PRDM5: variants seen among roughly 807,000 people sequenced by gnomAD.
The protein encoded by PRDM5 is PR domain zinc finger protein 5.
Under a neutral mutation model 81.2 loss-of-function variants are expected in PRDM5, and 56 were observed. The observed-to-expected ratio is 0.69, with a 90% CI of 0.56 to 0.86. PRDM5 has a LOEUF of 0.86. PRDM5 is among the 40% of genes least tolerant of loss of function. The pLI, the probability that PRDM5 is intolerant of heterozygous loss-of-function variation, is 0.00. For missense variants in PRDM5, 697 were observed against 770.1 expected (o/e 0.91, Z 1.12); for synonymous variants, 267 against 256.4 (o/e 1.04, Z -0.39).
At chr4:120,748,825 C>T (rs1318526037) in intron 14 of PRDM5, among the ~76,000 whole-genome samples, 1 of 152,044 alleles carries the variant, frequency 6.6e-6, no homozygotes, top group Non-Finnish European at 1.5e-5. Context: ...CTGAGGCCGC[C>T]AGGGTCTGAC....
intron 7 of PRDM5, among the ~76,000 whole-genome samples, chr4:120,815,395 C>A (rs1169006052): frequency 6.6e-6 from 1 of 152,210 alleles, no homozygotes; most frequent in African/African-American, 2.4e-5. Context: ...GTGCATTTCA[C>A]AAGGCCCTAC....
chr4:120,831,165 G>C (rs1338545862), intron 3 of PRDM5, among the ~76,000 whole-genome samples: 5 of 152,072 alleles, frequency 3.3e-5, no homozygotes, highest in African/African-American at 1.2e-4. Flanking sequence ...TGGAGGAGAG[G>C]GCAGCCGTTT....
At chr4:120,685,173 T>G (rs1275082463) in intron 1 of PRDM5, 3 of 152,056 alleles carry the variant, frequency 2.0e-5, no homozygotes, top group Non-Finnish European at 4.4e-5. Context: ...AAAATGTGAT[T>G]AATATAGTAA....
At chr4:120,872,878 T>C (rs774495985) in intron 2 of PRDM5, among the ~76,000 whole-genome samples, 3 of 152,208 alleles carry the variant, frequency 2.0e-5, no homozygotes, top group Non-Finnish European at 4.4e-5. Context: ...ATCTGCAAGA[T>C]AGAAAAGTTC....
chr4:120,785,574 T>G (rs1749661159), intron 10 of PRDM5, among the ~76,000 whole-genome samples: 1 of 152,170 alleles, frequency 6.6e-6, no homozygotes, highest in South Asian at 2.1e-4. Flanking sequence ...AGGTGCTGCT[T>G]TTCCCCTAAA....
chr4:120,782,947 T>G (rs1397767427), intron 11 of PRDM5, among the ~76,000 whole-genome samples: 2 of 152,116 alleles, frequency 1.3e-5, no homozygotes, highest in African/African-American at 2.4e-5. Flanking sequence ...TCTTTCATAC[T>G]TTAATTGCAG....
At chr4:120,863,788 A>G (rs1413380242) in intron 2 of PRDM5, among the ~76,000 whole-genome samples, 1 of 152,336 alleles carries the variant, frequency 6.6e-6, no homozygotes, top group Non-Finnish European at 1.5e-5. Flanking sequence ...AAAGAGGTGA[A>G]TCCACTGTAG....
At position 120,695,245 on chromosome 4, in the gene PRDM5, T is replaced by C. The variant is rs774297369; in HGVS notation, c.1759A>G (p.Met587Val). 1 of 1,613,514 alleles carries C rather than the reference T, an allele frequency of 6.2e-7. No individual in the cohort carries two copies. Among genetic ancestry groups the C allele is most frequent in the South Asian group, 1.1e-5 (1 of 91,080 alleles). The part of the protein sequence containing the change: ...VCDLAFSLKK[M>V]LIRHKMTHNP... ...TGAGTCATCTTGTGTCGAATCAGCA[T>C]TTTCTTCAGGCTAAAAGCCAAATCA... Residue 587 changes from methionine (M) to valine (V), a missense_variant, in exon 16 of 16, where the codon ATG becomes GTG. This residue lies in a region of PRDM5 where 86 missense variants were observed against 135.2 expected (regional missense o/e 0.64). Coordinates refer to ENST00000264808, the MANE Select transcript of PRDM5 (RefSeq NM_018699.4).
At chr4:120,911,391 T>G (rs1766489047) in intron 1 of PRDM5, among the ~76,000 whole-genome samples, 3 of 152,346 alleles carry the variant, frequency 2.0e-5, no homozygotes, top group South Asian at 4.1e-4. Context: ...CCAAACTGTC[T>G]GAGTCAAACT....
chr4:120,798,491 C>T, intron 9 of PRDM5, 67 bp from the exon 10 acceptor site: 1 of 1,406,858 alleles, frequency 7.1e-7, no homozygotes, highest in Non-Finnish European at 9.9e-7. Context: ...GAGAAAACAC[C>T]CTTACCTTAT....
At chr4:120,904,789 T>C (rs1579192591) in intron 2 of PRDM5, among the ~76,000 whole-genome samples, 1 of 152,204 alleles carries the variant, frequency 6.6e-6, no homozygotes, top group Admixed American at 6.5e-5. Flanking sequence ...CACTACCTTA[T>C]AGCTACACAA....
intron 3 of PRDM5, among the ~76,000 whole-genome samples, chr4:120,841,582 C>A (rs1479576870): frequency 6.6e-6 from 1 of 152,252 alleles, no homozygotes; most frequent in South Asian, 2.1e-4. Context: ...AACATATTTC[C>A]AATTTTGAAA....
In PRDM5 at chr4:120,768,643, T is replaced by C. The variant is rs114344643; in HGVS notation, c.1537+8545A>G. The stretch of plus-strand genomic sequence containing the variant: ...AAGACTATAATGTACTACATAATTG[T>C]TTGTAATTATTCCAGCTCCAATAGC... On this transcript the variant is annotated intron_variant, in intron 13 of 15. Coordinates refer to ENST00000264808, the MANE Select transcript of PRDM5 (RefSeq NM_018699.4). Among the ~76,000 whole-genome samples, 670 of 152,302 alleles carry C rather than the reference T, an allele frequency of 4.4e-3. 3 individuals are homozygous for C. The highest frequency in any genetic ancestry group is 0.027 in the Middle Eastern group (8 of 294).
chr4:120,900,165 T>C (rs1374644886), intron 2 of PRDM5, among the ~76,000 whole-genome samples: 1 of 152,164 alleles, frequency 6.6e-6, no homozygotes, highest in African/African-American at 2.4e-5. Context: ...GCTTCATTAC[T>C]AGGCATGACT....
intron 3 of PRDM5, among the ~76,000 whole-genome samples, chr4:120,832,878 A>C (rs541523682): frequency 6.6e-6 from 1 of 152,232 alleles, no homozygotes; most frequent in African/African-American, 2.4e-5. Flanking sequence ...AAGATTAGAC[A>C]AGTAACTGTG....
At chr4:120,855,564 C>T (rs910415537) in intron 2 of PRDM5, among the ~76,000 whole-genome samples, 11 of 152,186 alleles carry the variant, frequency 7.2e-5, no homozygotes, top group African/African-American at 2.4e-4. Context: ...GTACACTCTA[C>T]ACCTCTGCCT....
intron 1 of PRDM5, among the ~76,000 whole-genome samples, chr4:120,685,640 C>T (rs904981347): frequency 4.6e-5 from 7 of 151,654 alleles, no homozygotes; most frequent in Admixed American, 4.6e-4. Flanking sequence ...TTCTTGAACT[C>T]GAACTGTGTC....
At chr4:120,894,425 T>C (rs1160557428) in intron 2 of PRDM5, among the ~76,000 whole-genome samples, 1 of 152,218 alleles carries the variant, frequency 6.6e-6, no homozygotes, top group Non-Finnish European at 1.5e-5. Flanking sequence ...TCCATCAGGA[T>C]TCCTTTTCCT....
intron 2 of PRDM5, among the ~76,000 whole-genome samples, chr4:120,882,672 C>A (rs1762974809): frequency 6.6e-6 from 1 of 152,150 alleles, no homozygotes; most frequent in Non-Finnish European, 1.5e-5. Flanking sequence ...TACTAATCTA[C>A]AATCTACAAA....
Sources: allele counts gnomAD v4.1 joint callset (sites outside exome capture counted in the v4.1 genomes callset), GRCh38; gene constraint gnomAD v4.1.1; regional missense constraint gnomAD v4.1.1; transcripts MANE v1.5; gene names NCBI Gene and HGNC (gene_info 2026-07-23, HGNC 2026-07-21).